The following SPECC1 variants were observed in gnomAD, a reference collection of about 807,000 sequenced individuals.
SPECC1 encodes the protein cytospin-B.
Under a neutral mutation model 104.1 loss-of-function variants are expected in SPECC1, and 62 were observed. The ratio of observed to expected loss-of-function variants is 0.60; its 90% CI spans 0.49 to 0.74. The LOEUF is 0.74. Ranked by LOEUF, SPECC1 falls within the 30% of genes least tolerant of loss-of-function variation. The pLI, the probability that SPECC1 is intolerant of heterozygous loss-of-function variation, is 0.00. For synonymous variants in SPECC1, 513 were observed against 501.6 expected (o/e 1.02, Z -0.30); for missense variants, 1,306 against 1,310.5 (o/e 1.00, Z 0.05).
intron 7 of SPECC1, among the ~76,000 whole-genome samples, chr17:20,233,594 G>A (rs561206799): frequency 8.2e-4 from 125 of 152,212 alleles, no homozygotes; most frequent in African/African-American, 2.9e-3. Context: ...GGCTGGACTC[G>A]AACTACTGAG....
intron 3 of SPECC1, among the ~76,000 whole-genome samples, chr17:20,128,077 C>T (rs1007423321): frequency 6.6e-6 from 1 of 152,156 alleles, no homozygotes; most frequent in African/African-American, 2.4e-5. Flanking sequence ...CAAATAATTT[C>T]TAATGAAGTG....
intron 12 of SPECC1, among the ~76,000 whole-genome samples, chr17:20,264,579 C>T (rs1354289752): frequency 6.8e-6 from 1 of 146,098 alleles, no homozygotes; most frequent in Non-Finnish European, 1.5e-5. Flanking sequence ...TCTAGCAATT[C>T]TCCTGCCTTA....
intron 14 of SPECC1, 139 bp downstream of exon 14, chr17:20,306,221 A>T (rs2041760150): frequency 7.6e-6 from 5 of 659,578 alleles, no homozygotes; most frequent in Non-Finnish European, 1.3e-5. Context: ...ATATAGAGTT[A>T]TCCAGTTGAT....
Position 20,298,948 on chromosome 17 carries a change from A to AGAGAGAGTGTGTGTGTGTGTGTGTGT in SPECC1, c.3057+1872_3057+1873insAGAGAGTGTGTGTGTGTGTGTGTGTG. ...GAGAGAGAGAGAGAGAGAGAGAGAG[A>AGAGAGAGTGTGTGTGTGTGTGTGTGT]GTGTGTGTGTGTGTGTGTGTGTGTA... On this transcript the variant is annotated intron_variant, in intron 13 of 14. Coordinates refer to ENST00000395527, the MANE Select transcript of SPECC1 (RefSeq NM_001243439.2). 8.4e-4 allele frequency among the ~76,000 whole-genome samples: 41 copies of AGAGAGAGTGTGTGTGTGTGTGTGTGT among 49,048 alleles called. 1 individual carries two copies. Among genetic ancestry groups the AGAGAGAGTGTGTGTGTGTGTGTGTGT allele is most frequent in the South Asian group, 6.8e-3 (5 of 740 alleles). The allele number at this position is 49,048 out of a possible 152,430, so 32.2% of individuals were successfully genotyped here. A position where few individuals can be genotyped will look rare whatever the true frequency, so the allele number is the denominator to read the frequency against.
intron 1 of SPECC1, among the ~76,000 whole-genome samples, chr17:20,027,998 C>T (rs1483335828): frequency 3.3e-5 from 5 of 152,284 alleles, no homozygotes; most frequent in South Asian, 2.1e-4. Flanking sequence ...TCAAACCTAA[C>T]GTCTTTAAGA....
At chr17:20,145,752 CCTT>C (rs1352754433) in intron 3 of SPECC1, among the ~76,000 whole-genome samples, 5 of 152,178 alleles carry the variant, frequency 3.3e-5, no homozygotes, top group Admixed American at 6.5e-5. Flanking sequence ...GAACAGGCCA[CCTT>C]CTCTCAGGGC....
At chr17:20,201,245 A>C (rs1310437046) in intron 3 of SPECC1, among the ~76,000 whole-genome samples, 1 of 151,934 alleles carries the variant, frequency 6.6e-6, no homozygotes, top group Non-Finnish European at 1.5e-5. Context: ...AGATCACCTG[A>C]GGTCAGGAGA....
intron 3 of SPECC1, among the ~76,000 whole-genome samples, chr17:20,120,813 C>T (rs2048990980): frequency 6.6e-6 from 1 of 152,128 alleles, no homozygotes; most frequent in Non-Finnish European, 1.5e-5. Flanking sequence ...GCACCCTTTC[C>T]TGGGAGCTGA....
At position 20,096,774 on chromosome 17, in the gene SPECC1, G is replaced by C; in HGVS notation, c.123G>C (p.Leu41Phe). The stretch of plus-strand genomic sequence containing the variant: ...AGAGTTCTAAGTCTTCAACTTCCTT[G>C]GCTTTTGAGTCCCGACTCAGCAGGG... ...GMKSSKSSTS[L>F]AFESRLSRLK... is the part of the protein sequence containing the mutation. The change falls in exon 2 of 15, where the codon TTG (leucine) becomes TTC (phenylalanine). Residue 41 changes from leucine (L) to phenylalanine (F), a missense_variant. Transcript: ENST00000395527. 6.2e-7 allele frequency: 1 copy of C among 1,613,976 alleles called. No individual in the cohort carries two copies. The highest frequency in any genetic ancestry group is 1.1e-5 in the South Asian group (1 of 91,044).
chr17:20,260,171 T>C (rs750083279), intron 11 of SPECC1, 21 bp from the exon 12 acceptor site: 11 of 1,592,068 alleles, frequency 6.9e-6, no homozygotes, highest in Non-Finnish European at 9.5e-6. Context: ...CTCCTTACCA[T>C]GTGCTCTTCT....
chr17:20,032,923 TAC>T lies in SPECC1; in HGVS notation c.-22+23506_-22+23507del, dbSNP rs201357810. On this transcript the variant is annotated intron_variant, in intron 1 of 14. Transcript: ENST00000395527. ...ATATGTATATATGTGTATGTGTATA[TAC>T]ACACACGCGCGCACACACACACACA... is the stretch of plus-strand genomic sequence containing the variant. 2.3e-4 allele frequency among the ~76,000 whole-genome samples: 35 copies of T among 149,378 alleles called. No individual in the cohort carries two copies. The East Asian group carries it at 4.3e-3, about 18-fold the overall frequency.
intron 1 of SPECC1, among the ~76,000 whole-genome samples, chr17:20,058,200 C>A (rs1194346383): frequency 6.6e-6 from 1 of 152,120 alleles, no homozygotes; most frequent in African/African-American, 2.4e-5. Context: ...TTTAAATATT[C>A]TTCATTTTAA....
chr17:20,238,567 A>G (rs1442190046), intron 7 of SPECC1: 23 of 1,043,204 alleles, frequency 2.2e-5, no homozygotes, highest in Non-Finnish European at 2.7e-5. Context: ...TGGGGTGTCA[A>G]ACTGGACAGC....
At chr17:20,212,494 G>A (rs943866526) in intron 4 of SPECC1, among the ~76,000 whole-genome samples, 1 of 152,186 alleles carries the variant, frequency 6.6e-6, no homozygotes, top group Non-Finnish European at 1.5e-5. Flanking sequence ...AAATAAGAGA[G>A]CTTGTGCAGG....
At chr17:20,166,972 C>T (rs2033702204) in intron 3 of SPECC1, among the ~76,000 whole-genome samples, 1 of 151,826 alleles carries the variant, frequency 6.6e-6, no homozygotes, top group Non-Finnish European at 1.5e-5. Flanking sequence ...ATTAGCTGGG[C>T]ATGGTGGCAC....
At chr17:20,123,432 G>A (rs980404164) in intron 3 of SPECC1, among the ~76,000 whole-genome samples, 3 of 152,178 alleles carry the variant, frequency 2.0e-5, no homozygotes, top group African/African-American at 2.4e-5. Context: ...CAGTGTCCTC[G>A]CTGATACCTG....
chr17:20,144,175 C>CTTTCTTTTTTTTTTT, intron 3 of SPECC1, among the ~76,000 whole-genome samples: 1 of 94,408 alleles, frequency 1.1e-5, no homozygotes, highest in Non-Finnish European at 2.0e-5. Flanking sequence ...TTTTTCTTTT[C>CTTTCTTTTTTTTTTT]TTTTTTTTTT....
chr17:20,012,730 T>C (rs1454402732), intron 1 of SPECC1, among the ~76,000 whole-genome samples: 1 of 152,078 alleles, frequency 6.6e-6, no homozygotes, highest in Non-Finnish European at 1.5e-5. Flanking sequence ...TTATTATTTA[T>C]TATTTTTATT....
intron 1 of SPECC1, among the ~76,000 whole-genome samples, chr17:20,089,464 AT>A (rs34737052): frequency 0.49 from 73,868 of 150,148 alleles, 18,497 homozygotes; most frequent in Middle Eastern, 0.59. Context: ...TCGCCTCTAT[AT>A]AAAAAAAAAA....
Sources: allele counts gnomAD v4.1 joint callset (sites outside exome capture counted in the v4.1 genomes callset), GRCh38; gene constraint gnomAD v4.1.1; transcripts MANE v1.5; gene names NCBI Gene and HGNC (gene_info 2026-07-23, HGNC 2026-07-21).